Variants in CD96 observed in about 807,000 individuals in gnomAD.
CD96 encodes the protein CD96 molecule, also known as T-cell surface protein tactile.
In CD96, 70 loss-of-function variants were observed where a neutral mutation model predicts 71.3. The ratio of observed to expected loss-of-function variants is 0.98; its 90% CI spans 0.81 to 1.20. CD96 has a LOEUF of 1.20. CD96 is among the 50% of genes most tolerant of loss of function. The pLI, the probability that CD96 is intolerant of heterozygous loss-of-function variation, is 0.00. For synonymous variants in CD96, 248 were observed against 233.0 expected, an observed-to-expected ratio of 1.06 and a Z score of -0.59; for missense variants, 742 against 677.5, an observed-to-expected ratio of 1.10 and a Z score of -1.06.
At chr3:111,559,135 T>G (rs1476370269) in intron 2 of CD96, among the ~76,000 whole-genome samples, 1 of 151,262 alleles carries the variant, frequency 6.6e-6, no homozygotes, top group African/African-American at 2.4e-5. Flanking sequence ...TCTATCAATT[T>G]TGTTGATCCT....
chr3:111,557,233 G>A (rs1328601949), intron 2 of CD96, among the ~76,000 whole-genome samples: 1 of 121,950 alleles, frequency 8.2e-6, no homozygotes, highest in Non-Finnish European at 1.6e-5. Flanking sequence ...GTCAATTTTG[G>A]CTTTTGTTGC....
At chr3:111,542,998 A>G (rs1934185618) in intron 1 of CD96, among the ~76,000 whole-genome samples, 1 of 152,152 alleles carries the variant, frequency 6.6e-6, no homozygotes, top group Admixed American at 6.5e-5. Context: ...TATTAAGGAG[A>G]ATTTCTAAAT....
chr3:111,615,542 G>A (rs145433177), intron 8 of CD96, among the ~76,000 whole-genome samples: 1 of 152,160 alleles, frequency 6.6e-6, no homozygotes, highest in Non-Finnish European at 1.5e-5. Context: ...CCCAAGGTAG[G>A]AAATAGAGTG....
chr3:111,641,214 A>G (rs1396710342), intron 12 of CD96, among the ~76,000 whole-genome samples: 8 of 152,236 alleles, frequency 5.3e-5, no homozygotes, highest in Admixed American at 5.2e-4. Flanking sequence ...CAGAATGGAT[A>G]AGAACTTACC....
chr3:111,650,926 T>C lies in CD96; in HGVS notation c.*1120T>C, dbSNP rs936233686. The C allele has an allele frequency of 6.6e-6, 1 of 152,118 alleles. No homozygotes were observed. Among genetic ancestry groups the C allele is most frequent in the Non-Finnish European group, 1.5e-5 (1 of 68,052 alleles). 9.4% of individuals were successfully genotyped at this position (152,118 alleles called of 1,614,324 possible). A position where few individuals can be genotyped will look rare whatever the true frequency, so the allele number is the denominator to read the frequency against. On this transcript the variant is annotated 3_prime_UTR_variant, in exon 14 of 14. Transcript: ENST00000352690. ...GGGAAAAACAGATGTTGTTGACAGA[T>C]AGAGTGATAGGCAAATTCTGTGTGG...
At chr3:111,547,122 AC>A (rs1934446720) in intron 2 of CD96, among the ~76,000 whole-genome samples, 1 of 152,212 alleles carries the variant, frequency 6.6e-6, no homozygotes, top group Non-Finnish European at 1.5e-5. Flanking sequence ...TTCTTACATA[AC>A]AAATATGGAT....
At chr3:111,584,270 C>T (rs1233713590) in intron 4 of CD96, among the ~76,000 whole-genome samples, 1 of 152,204 alleles carries the variant, frequency 6.6e-6, no homozygotes, top group African/African-American at 2.4e-5. Flanking sequence ...TCAGCCTCAA[C>T]CTTATTGTTC....
At chr3:111,584,430 G>A (rs73228170) in intron 4 of CD96, among the ~76,000 whole-genome samples, 13,220 of 152,140 alleles carry the variant, frequency 0.087, 716 homozygotes, top group Non-Finnish European at 0.12. Flanking sequence ...ACATTTTTGG[G>A]TATATTTTCA....
At chr3:111,626,867 A>C (rs1938793671) in intron 10 of CD96, among the ~76,000 whole-genome samples, 1 of 152,234 alleles carries the variant, frequency 6.6e-6, no homozygotes, top group Non-Finnish European at 1.5e-5. Context: ...TGAAATTTTA[A>C]AGCAAGTATA....
chr3:111,570,252 C>T (rs537198004), intron 3 of CD96, among the ~76,000 whole-genome samples: 16 of 152,062 alleles, frequency 1.1e-4, no homozygotes, highest in Non-Finnish European at 1.3e-4. Context: ...CTCCAGCAGA[C>T]CTATTGGGAA....
intron 12 of CD96, 72 bp from the exon 13 acceptor site, chr3:111,647,471 A>G (rs1939884933): frequency 7.2e-7 from 1 of 1,388,170 alleles, no homozygotes; most frequent in Admixed American, 1.7e-5. Flanking sequence ...CACGTAGGAA[A>G]AATGGTTTAA....
intron 2 of CD96, among the ~76,000 whole-genome samples, chr3:111,561,182 A>T (rs1935376718): frequency 7.3e-6 from 1 of 136,072 alleles, no homozygotes; most frequent in Admixed American, 7.5e-5. Context: ...GAGTAATTTG[A>T]TCGTCTGAAG....
At position 111,598,207 on chromosome 3, in the gene CD96, GA is replaced by G; in HGVS notation, c.897del (p.Gly300GlufsTer18). Reference sequence around the variant, plus strand: ...TGGAAGTTTTCTTCATGATGAAAAAGAAGGTAAGGAAACTAATCAATGGAAA... The same window carrying G: ...TGGAAGTTTTCTTCATGATGAAAAAGAGGTAAGGAAACTAATCAATGGAAA... ...IDGSFLHDEK[E>X]GIYITNEERK... On this transcript the variant is annotated frameshift_variant and splice_region_variant, in exon 6 of 14. Coordinates refer to ENST00000352690, the MANE Select transcript of CD96 (RefSeq NM_005816.5). LOFTEE classifies it high-confidence loss of function. The G allele has an allele frequency of 7.8e-7, 1 of 1,274,768 alleles. No individual in the cohort carries two copies. Among genetic ancestry groups the G allele is most frequent in the Non-Finnish European group, 1.1e-6 (1 of 871,212 alleles). 79.0% of individuals were successfully genotyped at this position (1,274,768 alleles called of 1,614,324 possible). A position where few individuals can be genotyped will look rare whatever the true frequency, so the allele number is the denominator to read the frequency against.
chr3:111,664,276 T>C (rs1940428695), intron 14 of CD96, among the ~76,000 whole-genome samples: 1 of 152,084 alleles, frequency 6.6e-6, no homozygotes, highest in African/African-American at 2.4e-5. Context: ...CCATCATTTG[T>C]GGACTGGAAA....
intron 8 of CD96, among the ~76,000 whole-genome samples, chr3:111,609,355 A>C (rs766833648): frequency 1.4e-4 from 22 of 152,228 alleles, no homozygotes; most frequent in Non-Finnish European, 2.9e-4. Flanking sequence ...TTTTAGAAAG[A>C]AAGTGGTATT....
intron 8 of CD96, 75 bp from the exon 9 acceptor site, chr3:111,623,679 G>A: frequency 2.2e-6 from 2 of 900,750 alleles, no homozygotes; most frequent in Non-Finnish European, 1.9e-6. Context: ...CCAGGCTCTT[G>A]TTAAATGTAG....
intron 1 of CD96, among the ~76,000 whole-genome samples, chr3:111,544,099 C>A (rs1311398867): frequency 6.6e-6 from 1 of 152,114 alleles, no homozygotes; most frequent in African/African-American, 2.4e-5. Context: ...AGACTCTGGG[C>A]AACTGAATTC....
At chr3:111,606,836 T>C in intron 8 of CD96, 44 bp downstream of exon 8, 4 of 1,110,408 alleles carry the variant, frequency 3.6e-6, no homozygotes, top group South Asian at 2.5e-5. Flanking sequence ...ACCAAGCAGA[T>C]TGATAACGAT....
At chr3:111,593,749 C>A in intron 5 of CD96, 2 of 1,614,226 alleles carry the variant, frequency 1.2e-6, no homozygotes, top group Non-Finnish European at 1.7e-6. Context: ...GGCTGGCCCA[C>A]AAAGCCATGG....
Sources: gnomAD v4.1 joint callset for allele counts (sites outside exome capture counted in the v4.1 genomes callset) on GRCh38, gnomAD v4.1.1 for gene constraint, MANE v1.5 for transcripts, NCBI Gene and HGNC (gene_info 2026-07-23, HGNC 2026-07-21) for gene names.